Variants in CP observed in about 807,000 individuals in gnomAD.
The protein encoded by CP is ceruloplasmin.
Under a neutral mutation model 122.4 loss-of-function variants are expected in CP, and 64 were observed. The ratio of observed to expected loss-of-function variants is 0.52; its 90% CI spans 0.43 to 0.64. CP has a LOEUF of 0.64. Among genes scored for constraint, CP ranks in the 30% least tolerant of loss-of-function variants. CP has a pLI of 0.00. For synonymous variants in CP, 440 were observed against 436.4 expected (o/e 1.01, Z -0.10); for missense variants, 1,167 against 1,284.4 (o/e 0.91, Z 1.40).
chr3:149,215,164 T>C (rs2108308350), intron 1 of CP, among the ~76,000 whole-genome samples: 1 of 152,360 alleles, frequency 6.6e-6, no homozygotes, highest in South Asian at 2.1e-4. Flanking sequence ...TTCTTAAGGC[T>C]TCATTTAAAT....
chr3:149,212,658 T>G lies in CP; in HGVS notation c.187A>C (p.Ile63Leu), dbSNP rs767054787. ...NIYLQNGPDR[I>L]GRLYKKALYL... is the part of the protein sequence containing the mutation. Reference sequence around the variant, plus strand: ...AGGGCCTTCTTATATAGTCTCCCAATTCTATCTGGGCCATTTTGAAGATAG... The same window carrying G: ...AGGGCCTTCTTATATAGTCTCCCAAGTCTATCTGGGCCATTTTGAAGATAG... Residue 63 changes from isoleucine (I) to leucine (L), a missense_variant, in exon 2 of 19, where the codon ATT becomes CTT. Transcript: ENST00000264613. 1 of 1,613,896 alleles carries G rather than the reference T, an allele frequency of 6.2e-7. No individual in the cohort carries two copies. The highest frequency in any genetic ancestry group is 8.5e-7 in the Non-Finnish European group (1 of 1,179,948).
rs781567080 is a variant in CP at position 149,199,805 on chromosome 3, C to A, written c.1408G>T (p.Ala470Ser). 3.1e-6 allele frequency: 5 copies of A among 1,613,966 alleles called. No individual in the cohort carries two copies. In the African/African-American group the frequency reaches 6.7e-5, roughly 22 times the overall value. The change falls in exon 8 of 19, where the codon GCA becomes TCA. Residue 470 changes from alanine to serine, a missense_variant. By Grantham distance (99) the Ala-to-Ser change is moderately conservative. This residue lies in a region of CP where 642 missense variants were observed against 627.3 expected (regional missense o/e 1.02). Transcript: ENST00000264613. ...ATCGGCTCAATACTGAGGGGATATG[C>A]TCCTTTGTTATGGAAGGTTACTCTG... ...TIRVTFHNKGAYPLSIEPIGV... is the reference protein window; with the variant it reads ...TIRVTFHNKGSYPLSIEPIGV...
In CP at chr3:149,206,048, G is replaced by C. The variant is rs1727687572; in HGVS notation, c.1208+120C>G. ...CATCAAATACCTTAATAAATATTTA[G>C]CAGTCTAGTTACTCAATTTCAGATA... On this transcript the variant is annotated intron_variant, in intron 6 of 18. Coordinates refer to ENST00000264613, the MANE Select transcript of CP (RefSeq NM_000096.4). The C allele has an allele frequency of 3.5e-6, 3 of 846,074 alleles. No individual in the cohort carries two copies. In the African/African-American group the frequency reaches 5.1e-5, roughly 14 times the overall value. The allele number at this position is 846,074 out of a possible 1,614,324, so 52.4% of individuals were successfully genotyped here.
In CP at chr3:149,176,343, G is replaced by A. The variant is rs1725416550; in HGVS notation, c.3088C>T (p.Pro1030Ser). The change falls in exon 18 of 19, where the codon CCA becomes TCA. Residue 1030 changes from proline (P) to serine (S), a missense_variant. Pro to Ser is a moderately conservative substitution (Grantham distance 74). Coordinates refer to ENST00000264613, the MANE Select transcript of CP (RefSeq NM_000096.4). ...AGTAACCAAATTCCAGGTGTTCTTG[G>A]AAACATTTCTAGGGTTTGGTATGTT... is the stretch of plus-strand genomic sequence containing the variant. ...PGTYQTLEMF[P>S]RTPGIWLLHC... The A allele has an allele frequency of 6.2e-7, 1 of 1,613,306 alleles. No homozygotes were observed. The highest frequency in any genetic ancestry group is 8.5e-7 in the Non-Finnish European group (1 of 1,179,496).
At chr3:149,170,348 G>A (rs368374221), downstream of CP, 7 of 152,282 alleles carry the variant, frequency 4.6e-5, no homozygotes, top group South Asian at 8.3e-4. Flanking sequence ...ATTTAGGTAA[G>A]TAAACTGCTT....
Position 149,188,132 on chromosome 3 carries a change from T to C in CP, c.1784A>G (p.Asp595Gly). 1 of 1,612,904 alleles carries C rather than the reference T, an allele frequency of 6.2e-7. No homozygotes were observed. The highest frequency in any genetic ancestry group is 8.5e-7 in the Non-Finnish European group (1 of 1,179,602). ...TGCAGTTGTAAACATTCTAATATTA[T>C]CTTCCAGGAGTAAACTCTCATTCTC... ...FDENESLLLE[D>G]NIRMFTTAPD... Residue 595 changes from aspartate to glycine, a missense_variant, in exon 10 of 19, where the codon GAT (aspartate) becomes GGT (glycine). Physicochemically the swap from Asp to Gly is moderately conservative, Grantham distance 94. Transcript: ENST00000264613.
intron 1 of CP, among the ~76,000 whole-genome samples, chr3:149,213,653 TGTGTGTGTGTGTG>T (rs1728266040): frequency 6.6e-6 from 1 of 151,842 alleles, no homozygotes; most frequent in Non-Finnish European, 1.5e-5. Flanking sequence ...TGTGTGTGTG[TGTGTGTGTGTGTG>T]TGTGTGTTGC....
At chr3:149,183,172 A>G (rs1360950330) in intron 13 of CP, among the ~76,000 whole-genome samples, 1 of 152,156 alleles carries the variant, frequency 6.6e-6, no homozygotes, top group Non-Finnish European at 1.5e-5. Flanking sequence ...TCATTAGAAA[A>G]TAGTTTCTGG....
chr3:149,166,712 AC>A (rs1724455583), intron 4 of CP, among the ~76,000 whole-genome samples: 1 of 152,212 alleles, frequency 6.6e-6, no homozygotes, highest in Non-Finnish European at 1.5e-5. Flanking sequence ...TAAATCTTTA[AC>A]CACAATGTTG....
downstream of CP, chr3:149,167,992 ATT>A: frequency 3.1e-6 from 4 of 1,292,180 alleles, no homozygotes; most frequent in South Asian, 1.2e-5. Flanking sequence ...AGGTAAAATG[ATT>A]TTTTTTTTGC....
chr3:149,167,591 A>AT (rs920002890), downstream of CP, among the ~76,000 whole-genome samples: 2 of 152,022 alleles, frequency 1.3e-5, no homozygotes, highest in Non-Finnish European at 2.9e-5. Flanking sequence ...TTTTTTCTTC[A>AT]TTCCTTCCTT....
At chr3:149,190,103 A>G (rs1279103875) in intron 9 of CP, among the ~76,000 whole-genome samples, 2 of 152,174 alleles carry the variant, frequency 1.3e-5, no homozygotes, top group Non-Finnish European at 2.9e-5. Context: ...AAAAGCATAA[A>G]TTAAGAAATT....
chr3:149,211,150 T>C (rs961453103), intron 2 of CP, among the ~76,000 whole-genome samples: 26 of 152,136 alleles, frequency 1.7e-4, no homozygotes, highest in African/African-American at 6.0e-4. Context: ...ACAAAAAAAG[T>C]CAACACATTC....
intron 13 of CP, 27 bp downstream of exon 13, chr3:149,183,439 C>T (rs1725910514): frequency 1.2e-6 from 2 of 1,608,992 alleles, no homozygotes; most frequent in East Asian, 2.2e-5. Flanking sequence ...TTAACCCACA[C>T]CTGATAAACT....
chr3:149,189,588 T>C (rs1217526811), intron 9 of CP, among the ~76,000 whole-genome samples: 1 of 146,564 alleles, frequency 6.8e-6, no homozygotes, highest in Non-Finnish European at 1.5e-5. Flanking sequence ...AACGAAAAAA[T>C]CAGGTTGACA....
chr3:149,167,896 C>T (rs767242000), downstream of CP: 7 of 1,582,386 alleles, frequency 4.4e-6, no homozygotes, highest in South Asian at 2.2e-5. Flanking sequence ...AAGATAGACT[C>T]TGTGGTGGAA....
intron 18 of CP, among the ~76,000 whole-genome samples, chr3:149,175,778 C>T (rs553132333): frequency 5.9e-5 from 9 of 151,658 alleles, no homozygotes; most frequent in African/African-American, 1.7e-4. Context: ...AAACAATTAT[C>T]GGTAAGGTTC....
At chr3:149,195,068 T>A (rs976069787) in intron 9 of CP, among the ~76,000 whole-genome samples, 4 of 152,214 alleles carry the variant, frequency 2.6e-5, no homozygotes, top group Non-Finnish European at 5.9e-5. Flanking sequence ...AAGTTTAGCT[T>A]TTTTGTGGGT....
chr3:149,166,525 C>T (rs1285637430), intron 4 of CP, among the ~76,000 whole-genome samples: 1 of 152,092 alleles, frequency 6.6e-6, no homozygotes, highest in Non-Finnish European at 1.5e-5. Flanking sequence ...TTTTTTTACT[C>T]ATTTTATCAT....
Sources: gnomAD v4.1 joint callset for allele counts (sites outside exome capture counted in the v4.1 genomes callset) on GRCh38, gnomAD v4.1.1 for gene constraint, gnomAD v4.1.1 regional missense constraint, MANE v1.5 for transcripts, NCBI Gene and HGNC (gene_info 2026-07-23, HGNC 2026-07-21) for gene names.